The following MACROD2 variants were observed in gnomAD, a reference collection of about 807,000 sequenced individuals.
The protein encoded by MACROD2 is mono-ADP ribosylhydrolase 2.
Under a neutral mutation model 70.4 loss-of-function variants are expected in MACROD2, and 36 were observed. The observed-to-expected ratio is 0.51, with a 90% confidence interval of 0.39 to 0.68. MACROD2 has a LOEUF of 0.68. Among genes scored for constraint, MACROD2 ranks in the 30% least tolerant of loss-of-function variants. The pLI is 0.00. For synonymous variants in MACROD2, 172 were observed against 178.8 expected, an observed-to-expected ratio of 0.96 and a Z score of 0.30; for missense variants, 496 against 538.4, an observed-to-expected ratio of 0.92 and a Z score of 0.78.
chr20:15,540,520 C>A (rs1432827465), intron 8 of MACROD2, among the ~76,000 whole-genome samples: 1 of 152,142 alleles, frequency 6.6e-6, no homozygotes, highest in Non-Finnish European at 1.5e-5. Flanking sequence ...AGCAGGGGAA[C>A]CACATAAGAC....
chr20:14,123,914 C>A (rs1312593619), intron 3 of MACROD2, among the ~76,000 whole-genome samples: 2 of 152,064 alleles, frequency 1.3e-5, no homozygotes, highest in African/African-American at 4.8e-5. Context: ...TTATCTTTCC[C>A]TAGTGGTATT....
chr20:15,414,100 A>G (rs1354275259), intron 6 of MACROD2, among the ~76,000 whole-genome samples: 1 of 152,202 alleles, frequency 6.6e-6, no homozygotes, highest in Non-Finnish European at 1.5e-5. Context: ...ACAAAAGACT[A>G]AAAGTGCATT....
chr20:14,459,638 T>A (rs1004861780), intron 3 of MACROD2, among the ~76,000 whole-genome samples: 1 of 152,104 alleles, frequency 6.6e-6, no homozygotes, highest in African/African-American at 2.4e-5. Flanking sequence ...TTCTAATTTT[T>A]TTTTACTTTA....
At chr20:14,453,068 A>T (rs976092198) in intron 3 of MACROD2, among the ~76,000 whole-genome samples, 1 of 152,158 alleles carries the variant, frequency 6.6e-6, no homozygotes, top group African/African-American at 2.4e-5. Context: ...GAGGTTTTGA[A>T]GGGAAATGTG....
intron 15 of MACROD2, among the ~76,000 whole-genome samples, chr20:16,028,774 C>A (rs2067114726): frequency 1.3e-5 from 2 of 152,062 alleles, no homozygotes; most frequent in Non-Finnish European, 2.9e-5. Flanking sequence ...CAGTGTTTGT[C>A]CAAGTGACGA....
At chr20:14,555,018 C>A (rs1205799262) in intron 4 of MACROD2, among the ~76,000 whole-genome samples, 2 of 150,810 alleles carry the variant, frequency 1.3e-5, no homozygotes, top group East Asian at 2.0e-4. Flanking sequence ...TAAAAAAAAA[C>A]AGAAAGAATG....
At chr20:14,729,003 C>T (rs2071562053) in intron 5 of MACROD2, among the ~76,000 whole-genome samples, 1 of 152,016 alleles carries the variant, frequency 6.6e-6, no homozygotes, top group Non-Finnish European at 1.5e-5. Flanking sequence ...TTTACATCTT[C>T]CAATTAGATA....
intron 8 of MACROD2, among the ~76,000 whole-genome samples, chr20:15,597,895 A>G (rs948935825): frequency 1.3e-5 from 2 of 152,190 alleles, no homozygotes; most frequent in African/African-American, 4.8e-5. Flanking sequence ...CCTGGCCAAC[A>G]TGGCAAAAAC....
At chr20:15,481,415 A>G (rs2146454690) in intron 7 of MACROD2, among the ~76,000 whole-genome samples, 1 of 152,348 alleles carries the variant, frequency 6.6e-6, no homozygotes, top group African/African-American at 2.4e-5. Context: ...GATGAAAGCT[A>G]AGATGAGGTA....
At chr20:15,090,124 A>T (rs2075781991) in intron 5 of MACROD2, among the ~76,000 whole-genome samples, 1 of 152,076 alleles carries the variant, frequency 6.6e-6, no homozygotes, top group African/African-American at 2.4e-5. Flanking sequence ...ATTTATGTAT[A>T]AATTCTCAAA....
intron 12 of MACROD2, among the ~76,000 whole-genome samples, chr20:15,962,240 A>C (rs1338644422): frequency 2.0e-5 from 3 of 152,226 alleles, no homozygotes; most frequent in African/African-American, 7.2e-5. Flanking sequence ...ATGAAGGAAG[A>C]GTGGGAACAT....
intron 5 of MACROD2, among the ~76,000 whole-genome samples, chr20:15,132,009 T>C (rs887382266): frequency 6.6e-6 from 1 of 152,008 alleles, no homozygotes; most frequent in Non-Finnish European, 1.5e-5. Flanking sequence ...TGTTACTCAT[T>C]GAATTAAAAG....
intron 5 of MACROD2, among the ~76,000 whole-genome samples, chr20:14,729,850 T>C (rs1183527623): frequency 6.6e-6 from 1 of 151,978 alleles, no homozygotes; most frequent in Non-Finnish European, 1.5e-5. Context: ...GCAGCAAAGG[T>C]AGGATTATAG....
intron 8 of MACROD2, among the ~76,000 whole-genome samples, chr20:15,695,446 CACCCAGGCTGGAGTGCAG>C (rs1463996859): frequency 1.4e-5 from 2 of 147,006 alleles, no homozygotes; most frequent in Non-Finnish European, 3.0e-5. Context: ...CTTGCTCTGT[CACCCAGGCTGGAGTGCAG>C]TGGAGCAATC....
chr20:15,044,324 G>A (rs868330067), intron 5 of MACROD2, among the ~76,000 whole-genome samples: 1 of 152,198 alleles, frequency 6.6e-6, no homozygotes, highest in Non-Finnish European at 1.5e-5. Flanking sequence ...AGGGAGCTCT[G>A]TGCCAGGAAC....
At chr20:14,809,289 A>AGG in intron 5 of MACROD2, among the ~76,000 whole-genome samples, 3 of 152,218 alleles carry the variant, frequency 2.0e-5, no homozygotes, top group African/African-American at 7.2e-5. Context: ...CTCACTCAAA[A>AGG]CCACACAATT....
intron 7 of MACROD2, among the ~76,000 whole-genome samples, chr20:15,439,132 G>T (rs2046463575): frequency 1.3e-5 from 2 of 152,096 alleles, no homozygotes. Flanking sequence ...GTTTATTACA[G>T]CCCATGGAAC....
chr20:15,694,870 A>AATCC (rs1169751366), intron 8 of MACROD2, among the ~76,000 whole-genome samples: 21 of 152,214 alleles, frequency 1.4e-4, no homozygotes, highest in African/African-American at 5.1e-4. Context: ...TTAAGTTCTT[A>AATCC]ATCCATCTTG....
chr20:14,352,274 CT>C (rs1478667941), intron 3 of MACROD2: 1 of 152,032 alleles, frequency 6.6e-6, no homozygotes, highest in Non-Finnish European at 1.5e-5. Flanking sequence ...CGTTTGTGTG[CT>C]TTCCAGTTTT....
Sources: gnomAD v4.1 joint callset for allele counts (sites outside exome capture counted in the v4.1 genomes callset) on GRCh38, gnomAD v4.1.1 for gene constraint, MANE v1.5 for transcripts, NCBI Gene and HGNC (gene_info 2026-07-23, HGNC 2026-07-21) for gene names.